The following ZNF609 variants were observed in gnomAD, a reference collection of about 807,000 sequenced individuals.
The protein encoded by ZNF609 is zinc finger protein 609.
Under a neutral mutation model 109.5 loss-of-function variants are expected in ZNF609, and 11 were observed. That is an observed-to-expected ratio of 0.10 (90% CI 0.06 to 0.17). The LOEUF is 0.17. Ranked by LOEUF, ZNF609 falls within the 10% of genes least tolerant of loss-of-function variation. ZNF609 has a pLI of 1.00. For synonymous variants in ZNF609, 646 were observed against 662.0 expected (o/e 0.98, Z 0.37); for missense variants, 1,559 against 1,772.4 (o/e 0.88, Z 2.16).
At chr15:64,537,930 G>C (rs921724923) in intron 2 of ZNF609, among the ~76,000 whole-genome samples, 5 of 151,540 alleles carry the variant, frequency 3.3e-5, no homozygotes, top group Non-Finnish European at 7.4e-5. Context: ...GAGAAACCCC[G>C]TCTCTACTAA....
Position 64,564,921 on chromosome 15 carries a change from C to A in ZNF609, c.748-57906C>A, listed in dbSNP as rs543639766. 2.0e-5 allele frequency among the ~76,000 whole-genome samples: 3 copies of A among 150,572 alleles called. No homozygotes were observed. In the South Asian group the frequency reaches 6.3e-4, roughly 32 times the overall value. On this transcript the variant is annotated intron_variant, in intron 2 of 9. Coordinates refer to ENST00000326648, the MANE Select transcript of ZNF609 (RefSeq NM_015042.2). ...GGAGTGCAGTGGTGCGATCTCCGCT[C>A]ACTGCAAGCTCCACCTCCCAGGTTC...
intron 2 of ZNF609, among the ~76,000 whole-genome samples, chr15:64,504,073 A>G (rs1178438535): frequency 6.6e-6 from 1 of 152,224 alleles, no homozygotes; most frequent in Non-Finnish European, 1.5e-5. Flanking sequence ...TTTCTCAGCT[A>G]TTGATGGCAG....
chr15:64,541,207 C>G (rs1894252727), intron 2 of ZNF609, among the ~76,000 whole-genome samples: 1 of 151,210 alleles, frequency 6.6e-6, no homozygotes, highest in African/African-American at 2.4e-5. Flanking sequence ...GCCGGCGGAT[C>G]ACGAGGTCAG....
At chr15:64,475,484 G>A (rs917074467) in intron 1 of ZNF609, among the ~76,000 whole-genome samples, 6 of 149,808 alleles carry the variant, frequency 4.0e-5, no homozygotes, top group African/African-American at 1.2e-4. Flanking sequence ...CACCTCCCAG[G>A]TTCAAGCGAT....
intron 2 of ZNF609, among the ~76,000 whole-genome samples, chr15:64,578,830 CTG>C (rs1270013106): frequency 6.6e-6 from 1 of 152,148 alleles, no homozygotes; most frequent in African/African-American, 2.4e-5. Context: ...GAAATCCCAT[CTG>C]TACAAAAAAG....
At chr15:64,670,887 A>G (rs1212511442) in intron 4 of ZNF609, among the ~76,000 whole-genome samples, 1 of 149,380 alleles carries the variant, frequency 6.7e-6, no homozygotes, top group African/African-American at 2.5e-5. Flanking sequence ...CTCAAAAAAA[A>G]AAAAAAAAAG....
intron 2 of ZNF609, chr15:64,528,599 G>A: frequency 1.5e-6 from 1 of 679,298 alleles, no homozygotes; most frequent in Non-Finnish European, 2.6e-6. Flanking sequence ...GATTATGGCA[G>A]GGACTCCCCA....
chr15:64,657,115 C>G (rs1019816224), intron 3 of ZNF609, among the ~76,000 whole-genome samples: 1 of 151,178 alleles, frequency 6.6e-6, no homozygotes, highest in South Asian at 2.1e-4. Flanking sequence ...AAAAATTAGC[C>G]GGGCATGGTG....
chr15:64,519,266 G>A (rs888560842), intron 2 of ZNF609, among the ~76,000 whole-genome samples: 1 of 152,144 alleles, frequency 6.6e-6, no homozygotes, highest in Non-Finnish European at 1.5e-5. Flanking sequence ...CTGGATGTGT[G>A]AGAGAGAGAA....
intron 4 of ZNF609, among the ~76,000 whole-genome samples, chr15:64,672,931 T>C (rs1163565368): frequency 1.5e-5 from 2 of 137,150 alleles, no homozygotes; most frequent in Non-Finnish European, 3.0e-5. Context: ...GCCACTGCGC[T>C]CCAGCCTGGC....
intron 2 of ZNF609, among the ~76,000 whole-genome samples, chr15:64,581,234 T>C (rs536899482): frequency 7.9e-4 from 120 of 152,040 alleles, no homozygotes; most frequent in African/African-American, 2.6e-3. Flanking sequence ...CAACCGGAGG[T>C]GAGAGTTTAG....
At chr15:64,672,929 G>T (rs1054232958) in intron 4 of ZNF609, among the ~76,000 whole-genome samples, 2 of 142,562 alleles carry the variant, frequency 1.4e-5, no homozygotes, top group Non-Finnish European at 3.0e-5. Flanking sequence ...GTGCCACTGC[G>T]CTCCAGCCTG....
At chr15:64,591,152 A>G (rs2140938105) in intron 2 of ZNF609, among the ~76,000 whole-genome samples, 1 of 152,026 alleles carries the variant, frequency 6.6e-6, no homozygotes, top group Non-Finnish European at 1.5e-5. Flanking sequence ...CTCCGAGGCC[A>G]AGTGCAGTGG....
At chr15:64,606,155 C>T (rs188093529) in intron 2 of ZNF609, among the ~76,000 whole-genome samples, 96 of 151,414 alleles carry the variant, frequency 6.3e-4, no homozygotes, top group African/African-American at 2.3e-3. Context: ...ACTCTGTCAC[C>T]CAGGCTGGAG....
At chr15:64,605,575 T>C (rs1023476751) in intron 2 of ZNF609, among the ~76,000 whole-genome samples, 21 of 152,218 alleles carry the variant, frequency 1.4e-4, no homozygotes, top group African/African-American at 5.1e-4. Context: ...CTGAACACTT[T>C]ACATTCAGTT....
chr15:64,517,871 C>T (rs1893836916), intron 2 of ZNF609, among the ~76,000 whole-genome samples: 1 of 151,994 alleles, frequency 6.6e-6, no homozygotes, highest in Non-Finnish European at 1.5e-5. Context: ...CCTCTGCCTC[C>T]TGGGCTCAAG....
intron 2 of ZNF609, among the ~76,000 whole-genome samples, chr15:64,515,723 G>A (rs1893796164): frequency 6.6e-6 from 1 of 151,440 alleles, no homozygotes; most frequent in Non-Finnish European, 1.5e-5. Flanking sequence ...AATAACCTGA[G>A]GTCAGGAGTT....
intron 1 of ZNF609, among the ~76,000 whole-genome samples, chr15:64,469,748 G>T (rs1200949533): frequency 1.3e-5 from 2 of 152,120 alleles, no homozygotes; most frequent in Non-Finnish European, 2.9e-5. Flanking sequence ...AAAAAGGCTG[G>T]CCTGGCTTGG....
In ZNF609 at chr15:64,674,970, C is replaced by T. The variant is rs1280414410; in HGVS notation, c.2116C>T (p.Pro706Ser). ...PNSPQLKPIQ[P>S]KPTVMGEPFT... is the part of the protein sequence containing the mutation. ...CAGTCCCCAACTCAAGCCCATTCAG[C>T]CCAAGCCCACTGTTATGGGAGAACC... is the stretch of plus-strand genomic sequence containing the variant. Residue 706 changes from proline to serine, a missense_variant, in exon 5 of 10, where the codon CCC (proline) becomes TCC (serine). Pro to Ser is a moderately conservative substitution (Grantham distance 74, BLOSUM62 -1). Transcript: ENST00000326648. 6.2e-7 allele frequency: 1 copy of T among 1,614,052 alleles called. No homozygotes were observed. The highest frequency in any genetic ancestry group is 2.2e-5 in the East Asian group (1 of 44,886).
Sources: gnomAD v4.1 joint callset for allele counts (sites outside exome capture counted in the v4.1 genomes callset) on GRCh38, gnomAD v4.1.1 for gene constraint, MANE v1.5 for transcripts, NCBI Gene and HGNC (gene_info 2026-07-23, HGNC 2026-07-21) for gene names.